Variants in ASCC1 observed in about 807,000 individuals in gnomAD.
ASCC1 encodes ASC-1 complex subunit P50.
A neutral mutation model predicts 46.6 loss-of-function variants in ASCC1; 35 were observed. That is an observed-to-expected ratio of 0.75 (90% confidence interval 0.57 to 0.99). ASCC1 has a LOEUF of 0.99. Ranked by LOEUF, ASCC1 falls within the 50% of genes least tolerant of loss-of-function variation. The probability of loss-of-function intolerance (pLI) is 0.00; values close to 1 mark genes in which losing one functional copy is unlikely to be tolerated. For missense variants in ASCC1, 376 were observed against 428.7 expected, an observed-to-expected ratio of 0.88 and a Z score of 1.09; for synonymous variants, 143 against 146.6, an observed-to-expected ratio of 0.98 and a Z score of 0.18.
At chr10:72,183,966 A>G (rs778581064) in intron 5 of ASCC1, among the ~76,000 whole-genome samples, 27 of 152,044 alleles carry the variant, frequency 1.8e-4, no homozygotes, top group Non-Finnish European at 2.9e-4. Context: ...CAACATGGTG[A>G]AACCCCATCT....
chr10:72,211,212 C>G (rs902556803), intron 2 of ASCC1, among the ~76,000 whole-genome samples: 1 of 152,164 alleles, frequency 6.6e-6, no homozygotes, highest in African/African-American at 2.4e-5. Context: ...ATTCACATCA[C>G]TTTTATTACA....
chr10:72,210,716 T>C lies in ASCC1; in HGVS notation c.212+16A>G, dbSNP rs745388614. On this transcript the variant is annotated intron_variant, in intron 3 of 9. Transcript: ENST00000672957. ...TGGAAGTGTCTTCCCATGAAACTGT[T>C]GGGGACATGACTCACTTATAGAGCA... is the stretch of plus-strand genomic sequence containing the variant. The C allele has an allele frequency of 3.7e-6, 6 of 1,611,390 alleles. No homozygotes were observed. The South Asian group carries it at 6.6e-5, about 18-fold the overall frequency.
chr10:72,213,174 C>CA lies in ASCC1; in HGVS notation c.112+12dup. On this transcript the variant is annotated intron_variant, in intron 2 of 9. Coordinates refer to ENST00000672957, the MANE Select transcript of ASCC1 (RefSeq NM_001198800.3). ...TTTTACTTCTTATCTGACCAAAGAG[C>CA]AACTAGGATTACCTTGATAGAAGTC... 6.4e-7 allele frequency: 1 copy of CA among 1,563,694 alleles called. No individual in the cohort carries two copies.
chr10:72,190,214 C>T lies in ASCC1; in HGVS notation c.489+6597G>A. 5 of 765,550 alleles carry T rather than the reference C, an allele frequency of 6.5e-6. No homozygotes were observed. The Admixed American group carries it at 6.8e-5, about 10-fold the overall frequency. 47.4% of individuals were successfully genotyped at this position (765,550 alleles called of 1,614,324 possible). ...GCCTGTCCATCATGGTGTTAACTAGCTAAAGTTTGCCTGAAGCCTTCAATC... is the reference window on the plus strand; with the variant it reads ...GCCTGTCCATCATGGTGTTAACTAGTTAAAGTTTGCCTGAAGCCTTCAATC... On this transcript the variant is annotated intron_variant, in intron 5 of 9. Coordinates refer to ENST00000672957, the MANE Select transcript of ASCC1 (RefSeq NM_001198800.3).
intron 4 of ASCC1, among the ~76,000 whole-genome samples, chr10:72,201,200 TG>T (rs1665184513): frequency 6.6e-6 from 1 of 151,814 alleles, no homozygotes; most frequent in African/African-American, 2.4e-5. Flanking sequence ...CAGGCTGGAG[TG>T]TGGTGGCATG....
chr10:72,189,268 C>T (rs1225148124), intron 5 of ASCC1, among the ~76,000 whole-genome samples: 1 of 151,118 alleles, frequency 6.6e-6, no homozygotes, highest in African/African-American at 2.4e-5. Context: ...ATTAGCCGGG[C>T]GGGGTGGCGG....
rs761873120 is a variant in ASCC1, at chr10:72,136,989, G to A, written c.747-3808C>T. ...CTTTAAGAACTGTAACACTCACCAC[G>A]AGGGTCCGCGGCCTCATTCTTGAAG... On this transcript the variant is annotated intron_variant, in intron 7 of 9. Coordinates refer to ENST00000672957, the MANE Select transcript of ASCC1 (RefSeq NM_001198800.3). Among the ~76,000 whole-genome samples, 5 of 152,018 alleles carry A rather than the reference G, an allele frequency of 3.3e-5. No homozygotes were observed. The East Asian group carries it at 5.8e-4, about 18-fold the overall frequency.
intron 7 of ASCC1, chr10:72,133,536 G>A (rs1025911220): frequency 9.8e-6 from 3 of 307,428 alleles, no homozygotes; most frequent in African/African-American, 6.5e-5. Context: ...ACTTCAAGTA[G>A]AAGAAGAAAC....
At chr10:72,203,620 T>A in intron 3 of ASCC1, 96 bp from the exon 4 acceptor site, 1 of 931,276 alleles carries the variant, frequency 1.1e-6, no homozygotes, top group Admixed American at 1.9e-5. Context: ...AGATACTCCC[T>A]TACAGAAAAG....
chr10:72,172,771 ATAT>A (rs1851305763), intron 5 of ASCC1, among the ~76,000 whole-genome samples: 1 of 102,552 alleles, frequency 9.8e-6, no homozygotes, highest in Non-Finnish European at 2.2e-5. Flanking sequence ...ATTATATATT[ATAT>A]TTTTTATATT....
intron 1 of ASCC1, among the ~76,000 whole-genome samples, chr10:72,214,363 ATCTCT>A (rs1858713095): frequency 7.2e-6 from 1 of 139,846 alleles, no homozygotes; most frequent in Non-Finnish European, 1.5e-5. Context: ...TTTGCACAAT[ATCTCT>A]TTTTTTTTTT....
intron 3 of ASCC1, among the ~76,000 whole-genome samples, chr10:72,203,773 C>G (rs569295372): frequency 5.3e-5 from 8 of 152,190 alleles, no homozygotes; most frequent in Admixed American, 5.2e-4. Flanking sequence ...TGCCCAACAC[C>G]CGTTTGCTTC....
At chr10:72,155,655 C>T (rs1005710054) in intron 6 of ASCC1, among the ~76,000 whole-genome samples, 2 of 152,154 alleles carry the variant, frequency 1.3e-5, no homozygotes, top group East Asian at 1.9e-4. Context: ...TTTTGTGTAT[C>T]TGTAATTACT....
intron 6 of ASCC1, among the ~76,000 whole-genome samples, chr10:72,155,891 C>T (rs530187104): frequency 2.6e-5 from 4 of 152,240 alleles, no homozygotes; most frequent in Non-Finnish European, 4.4e-5. Flanking sequence ...CAAAATCTCA[C>T]ACCATGACTT....
chr10:72,145,745 GT>G (rs1847550389), intron 7 of ASCC1, among the ~76,000 whole-genome samples: 2 of 152,222 alleles, frequency 1.3e-5, no homozygotes, highest in Admixed American at 1.3e-4. Flanking sequence ...GTTAATGTCT[GT>G]TTTCCCCACT....
At chr10:72,147,690 T>G (rs907687905) in intron 7 of ASCC1, among the ~76,000 whole-genome samples, 3 of 152,184 alleles carry the variant, frequency 2.0e-5, no homozygotes, top group African/African-American at 7.2e-5. Flanking sequence ...CTTACCCAAA[T>G]CACTTAGGCT....
At chr10:72,113,091 C>T (rs1213996239) in intron 9 of ASCC1, among the ~76,000 whole-genome samples, 4 of 152,084 alleles carry the variant, frequency 2.6e-5, no homozygotes, top group Non-Finnish European at 5.9e-5. Context: ...TATTTATTCC[C>T]CCTCCCTCAA....
At chr10:72,132,764 G>A (rs997616393) in intron 8 of ASCC1, among the ~76,000 whole-genome samples, 4 of 147,690 alleles carry the variant, frequency 2.7e-5, no homozygotes, top group Admixed American at 2.0e-4. Context: ...TATTGCATGC[G>A]ACATACTTAT....
In ASCC1 at chr10:72,213,324, A is replaced by G. The variant is rs1858455601; in HGVS notation, c.-26T>C. On this transcript the variant is annotated 5_prime_UTR_variant, in exon 2 of 10. Coordinates refer to ENST00000672957, the MANE Select transcript of ASCC1 (RefSeq NM_001198800.3). Reference sequence around the variant, plus strand: ...GACACTTTCTCCAAATGATATTCCAATTATGCCCTGAAAAATATAATTACC... The same window carrying G: ...GACACTTTCTCCAAATGATATTCCAGTTATGCCCTGAAAAATATAATTACC... The G allele has an allele frequency of 2.0e-6, 3 of 1,498,604 alleles. No individual in the cohort carries two copies. The highest frequency in any genetic ancestry group is 4.5e-5 in the East Asian group (2 of 44,216). 92.8% of individuals were successfully genotyped at this position (1,498,604 alleles called of 1,614,324 possible). A position where few individuals can be genotyped will look rare whatever the true frequency, so the allele number is the denominator to read the frequency against.
Sources: allele counts gnomAD v4.1 joint callset (sites outside exome capture counted in the v4.1 genomes callset), GRCh38; gene constraint gnomAD v4.1.1; transcripts MANE v1.5; gene names NCBI Gene and HGNC (gene_info 2026-07-23, HGNC 2026-07-21).